Variants in MYLK2 observed in about 807,000 individuals in gnomAD.
MYLK2 encodes myosin light chain kinase 2, skeletal/cardiac muscle.
In MYLK2, 27 loss-of-function variants were observed where a neutral mutation model predicts 58.2. That is an observed-to-expected ratio of 0.46 (90% CI 0.34 to 0.64). The LOEUF (loss-of-function observed/expected upper bound fraction) is 0.64. Ranked by LOEUF, MYLK2 falls within the 30% of genes least tolerant of loss-of-function variation. The probability of loss-of-function intolerance (pLI) is 0.01; values close to 1 mark genes in which losing one functional copy is unlikely to be tolerated. For synonymous variants in MYLK2, 310 were observed against 296.7 expected (o/e 1.04, Z -0.46); for missense variants, 676 against 764.3 (o/e 0.88, Z 1.36).
Position 31,819,608 on chromosome 20 carries a change from C to T in MYLK2, c.28C>T (p.Leu10=). ...GGCGACAGAAAATGGAGCAGTTGAG[C>T]TGGGAATTCAGAACCCATCAACAGG... MATENGAVE[L]GIQNPSTDKA... is the part of the protein sequence containing the mutation. Residue 10 remains leucine, a synonymous_variant, in exon 2 of 13, where the codon CTG becomes TTG. Transcript: ENST00000375985. 1 of 1,551,610 alleles carries T rather than the reference C, an allele frequency of 6.4e-7. No homozygotes were observed. Among genetic ancestry groups the T allele is most frequent in the Non-Finnish European group, 8.7e-7 (1 of 1,147,008 alleles).
chr20:31,829,834 G>A (rs1376816234), intron 8 of MYLK2, among the ~76,000 whole-genome samples: 3 of 152,180 alleles, frequency 2.0e-5, no homozygotes, highest in Admixed American at 6.5e-5. Flanking sequence ...TTGTGTGATA[G>A]GAAGAGGAAA....
rs1344273495 is a variant in MYLK2, at chr20:31,821,723, G to A, written c.758G>A (p.Cys253Tyr). ...TGTCTCACAGCCAGGGAGGAGGACT[G>A]CTTCCAGATTTTGGGTAGGCCAGGG... is the stretch of plus-strand genomic sequence containing the variant. ...ALCLTAREEDCFQILDDCPPP... is the reference protein window; with the variant it reads ...ALCLTAREEDYFQILDDCPPP... The change falls in exon 4 of 13, where the codon TGC becomes TAC. Residue 253 changes from cysteine (C) to tyrosine (Y), a missense_variant. Cys to Tyr is a radical substitution (Grantham distance 194). This residue lies in a region of MYLK2 where 370 missense variants were observed against 467.8 expected (regional missense o/e 0.79). Coordinates refer to ENST00000375985, the MANE Select transcript of MYLK2 (RefSeq NM_033118.4). The A allele has an allele frequency of 6.2e-7, 1 of 1,601,870 alleles. No homozygotes were observed. Among genetic ancestry groups the A allele is most frequent in the Non-Finnish European group, 8.5e-7 (1 of 1,171,822 alleles).
chr20:31,823,687 A>T, intron 5 of MYLK2, 105 bp downstream of exon 5: 2 of 1,086,984 alleles, frequency 1.8e-6, no homozygotes, highest in Admixed American at 3.8e-5. Context: ...CCCCGCTGAG[A>T]CATGGCCACA....
chr20:31,822,367 T>C (rs151103797), intron 4 of MYLK2, among the ~76,000 whole-genome samples: 17 of 152,184 alleles, frequency 1.1e-4, no homozygotes, highest in Admixed American at 8.5e-4. Context: ...AACTGTATAG[T>C]GGGGTGGGGT....
At position 31,833,779 on chromosome 20, in the gene MYLK2, G is replaced by T. The variant is rs757802556; in HGVS notation, c.1773G>T (p.Leu591=). 3.1e-6 allele frequency: 5 copies of T among 1,613,236 alleles called. No individual in the cohort carries two copies. In the Admixed American group the frequency reaches 8.3e-5, roughly 27 times the overall value. Reference sequence around the variant, plus strand: ...AGAAGATCAGCAGCTCGGGGGCACTGATGGCTCTGGGGGTCTGAGCCCTGG... The same window carrying T: ...AGAAGATCAGCAGCTCGGGGGCACTTATGGCTCTGGGGGTCTGAGCCCTGG... ...RFKKISSSGA[L]MALGV is the part of the protein sequence containing the mutation. Residue 591 remains leucine, a synonymous_variant, in exon 13 of 13, where the codon CTG becomes CTT. Coordinates refer to ENST00000375985, the MANE Select transcript of MYLK2 (RefSeq NM_033118.4).
At chr20:31,828,554 C>T in intron 8 of MYLK2, 1 of 982,032 alleles carries the variant, frequency 1.0e-6, no homozygotes, top group Non-Finnish European at 1.2e-6. Context: ...GGGAAACAGA[C>T]ATTCATAAAA....
Position 31,833,709 on chromosome 20 carries a change from C to T in MYLK2, c.1711-8C>T, listed in dbSNP as rs2062318522. The T allele has an allele frequency of 1.2e-6, 2 of 1,613,662 alleles. No homozygotes were observed. Among genetic ancestry groups the T allele is most frequent in the Non-Finnish European group, 1.7e-6 (2 of 1,179,702 alleles). On this transcript the variant is annotated splice_region_variant and splice_polypyrimidine_tract_variant and intron_variant, in intron 12 of 12. Transcript: ENST00000375985. ...GTTGACTGGGACTCCCTCTCTTCTG[C>T]CCTCTAGAAAAACTTCATTGCTGTC...
At chr20:31,832,184 GC>G (rs763444062) in intron 12 of MYLK2, 48 bp downstream of exon 12, 8 of 1,585,236 alleles carry the variant, frequency 5.0e-6, no homozygotes, top group Non-Finnish European at 6.9e-6. Context: ...AGTGGGAAGA[GC>G]TCCTGGTGCC....
rs181253824 is a variant in MYLK2 at position 31,823,623 on chromosome 20, G to A, written c.878+41G>A. On this transcript the variant is annotated intron_variant, in intron 5 of 12. Coordinates refer to ENST00000375985, the MANE Select transcript of MYLK2 (RefSeq NM_033118.4). ...CCAGCTGGGCACTCATGGACAGAGA[G>A]TACACCGGGCTCCTGTGGCTTCACA... 24 of 1,579,970 alleles carry A rather than the reference G, an allele frequency of 1.5e-5. No individual in the cohort carries two copies. In the East Asian group the frequency reaches 4.9e-4, roughly 32 times the overall value.
At chr20:31,831,959 C>T (rs1384772175) in intron 11 of MYLK2, 45 bp from the exon 12 acceptor site, 2 of 1,612,694 alleles carry the variant, frequency 1.2e-6, no homozygotes, top group Admixed American at 1.7e-5. Flanking sequence ...CCCCTGGGGC[C>T]TCACGAGCAT....
chr20:31,832,228 G>A, intron 12 of MYLK2, 92 bp downstream of exon 12: 1 of 1,529,332 alleles, frequency 6.5e-7, no homozygotes, highest in Non-Finnish European at 8.8e-7. Context: ...TGCCTTGGCA[G>A]GTTCTGTTGA....
Position 31,820,416 on chromosome 20 carries a change from C to T in MYLK2, c.343C>T (p.Gln115Ter), listed in dbSNP as rs749517311. The part of the protein sequence containing the change: ...ETSVKKPKAE[Q>*]GASGSQDPGK... ...CAGCGTCAAGAAGCCCAAGGCTGAGCAGGGAGCCTCAGGCAGCCAGGATCC... is the reference window on the plus strand; with the variant it reads ...CAGCGTCAAGAAGCCCAAGGCTGAGTAGGGAGCCTCAGGCAGCCAGGATCC... Residue 115 changes from glutamine (Q) to a stop codon, truncating the protein, a stop_gained, in exon 3 of 13, where the codon CAG (glutamine) becomes TAG (stop). Transcript: ENST00000375985. LOFTEE classifies it high-confidence loss of function. 6.2e-7 allele frequency: 1 copy of T among 1,612,820 alleles called. No individual in the cohort carries two copies. The highest frequency in any genetic ancestry group is 8.5e-7 in the Non-Finnish European group (1 of 1,179,886).
At chr20:31,832,365 C>T (rs562773486) in intron 12 of MYLK2, among the ~76,000 whole-genome samples, 1 of 152,322 alleles carries the variant, frequency 6.6e-6, no homozygotes, top group Admixed American at 6.5e-5. Flanking sequence ...GCTCTGGCTT[C>T]CCTCCTTCAT....
In MYLK2 at chr20:31,830,866, C is replaced by T. The variant is rs1181303727; in HGVS notation, c.1272C>T (p.Ile424=). The change falls in exon 9 of 13, where the codon ATC becomes ATT. Residue 424 remains isoleucine, a synonymous_variant. Transcript: ENST00000375985. ...ACACCACCGGGCATTTGGTGAAGAT[C>T]ATTGACTTTGGCCTGGCACGGAGGT... The part of the protein sequence containing the change: ...CVNTTGHLVK[I]IDFGLARRYN... The T allele has an allele frequency of 2.7e-6, 4 of 1,465,702 alleles. No homozygotes were observed. The highest frequency in any genetic ancestry group is 3.7e-6 in the Non-Finnish European group (4 of 1,085,106). The allele number at this position is 1,465,702 out of a possible 1,614,324, so 90.8% of individuals were successfully genotyped here. A position where few individuals can be genotyped will look rare whatever the true frequency, so the allele number is the denominator to read the frequency against.
At chr20:31,824,235 A>G (rs1383339514) in intron 5 of MYLK2, 24 bp from the exon 6 acceptor site, 1 of 1,609,720 alleles carries the variant, frequency 6.2e-7, no homozygotes, top group Non-Finnish European at 8.5e-7. Flanking sequence ...GGGTCCCCTC[A>G]CTTACAGCCT....
In MYLK2 at chr20:31,833,984, C is replaced by T; in HGVS notation, c.*187C>T. 3.3e-6 allele frequency: 2 copies of T among 611,826 alleles called. No individual in the cohort carries two copies. The highest frequency in any genetic ancestry group is 5.8e-6 in the Non-Finnish European group (2 of 345,204). 37.9% of individuals were successfully genotyped at this position (611,826 alleles called of 1,614,324 possible). ...TGACCGCTTCCCCGATGTGAGCCGCCTCGGAGTGTGGCCTGGATCCATCCT... is the reference window on the plus strand; with the variant it reads ...TGACCGCTTCCCCGATGTGAGCCGCTTCGGAGTGTGGCCTGGATCCATCCT... On this transcript the variant is annotated 3_prime_UTR_variant, in exon 13 of 13. Coordinates refer to ENST00000375985, the MANE Select transcript of MYLK2 (RefSeq NM_033118.4).
rs562649581 is a variant in MYLK2, at chr20:31,826,535, G to C, written c.973-70G>C. 3 of 1,601,634 alleles carry C rather than the reference G, an allele frequency of 1.9e-6. No individual in the cohort carries two copies. In the African/African-American group the frequency reaches 4.0e-5, roughly 21 times the overall value. On this transcript the variant is annotated intron_variant, in intron 6 of 12. Coordinates refer to ENST00000375985, the MANE Select transcript of MYLK2 (RefSeq NM_033118.4). ...AAGGCTAGCAGGCCTGTTCAAGGGT[G>C]CGGGTATGGAGGGTGGGTGGCAGGG... is the stretch of plus-strand genomic sequence containing the variant.
At chr20:31,820,638 C>A in intron 3 of MYLK2, 92 bp downstream of exon 3, 1 of 1,452,856 alleles carries the variant, frequency 6.9e-7, no homozygotes, top group Non-Finnish European at 9.4e-7. Flanking sequence ...TGGTTATCAT[C>A]ACATTCAGTG....
chr20:31,824,433 G>A (rs1463722871), intron 6 of MYLK2, 81 bp downstream of exon 6: 3 of 1,554,096 alleles, frequency 1.9e-6, no homozygotes, highest in Non-Finnish European at 2.6e-6. Flanking sequence ...CCCTCCACCA[G>A]CGCTGCTGAA....
Sources: allele counts gnomAD v4.1 joint callset (sites outside exome capture counted in the v4.1 genomes callset), GRCh38; gene constraint gnomAD v4.1.1; regional missense constraint gnomAD v4.1.1; transcripts MANE v1.5; gene names NCBI Gene and HGNC (gene_info 2026-07-23, HGNC 2026-07-21).